WWOX: variants seen among roughly 807,000 people sequenced by gnomAD.
The protein encoded by WWOX is WW domain containing oxidoreductase, also known as WW domain-containing oxidoreductase.
In WWOX, 69 loss-of-function variants were observed where a neutral mutation model predicts 46.2. The observed-to-expected ratio is 1.49, with a 90% confidence interval of 1.23 to 1.82. The LOEUF is 1.82. Ranked by LOEUF, WWOX falls within the 40% of genes most tolerant of loss-of-function variation. The pLI, the probability that WWOX is intolerant of heterozygous loss-of-function variation, is 0.00. For synonymous variants in WWOX, 359 were observed against 202.6 expected (o/e 1.77, Z -6.56); for missense variants, 919 against 542.6 (o/e 1.69, Z -6.89).
chr16:78,305,398 A>T (rs2080115587), intron 5 of WWOX, among the ~76,000 whole-genome samples: 1 of 152,184 alleles, frequency 6.6e-6, no homozygotes, highest in South Asian at 2.1e-4. Flanking sequence ...CCTCTGGATG[A>T]GTCCCTTGGC....
chr16:78,432,339 C>A (rs950315254), intron 7 of WWOX, 149 bp from the exon 8 acceptor site: 2 of 1,039,476 alleles, frequency 1.9e-6, no homozygotes, highest in Admixed American at 2.1e-5. Context: ...CTCCCGACCT[C>A]AGGTGATCCA....
chr16:78,976,972 G>A (rs532198633), intron 8 of WWOX, among the ~76,000 whole-genome samples: 14 of 152,084 alleles, frequency 9.2e-5, no homozygotes, highest in African/African-American at 1.7e-4. Flanking sequence ...TTTTTTGTTC[G>A]TTTTATGTTT....
At position 78,333,660 on chromosome 16, in the gene WWOX, A is replaced by G. The variant is rs796243983; in HGVS notation, c.517-53200A>G. ...GAGTACTTCATTAAGTCTCCAGAAT[A>G]CATACTTCATAAGCAGGAGGCATAT... On this transcript the variant is annotated intron_variant, in intron 5 of 8. Coordinates refer to ENST00000566780, the MANE Select transcript of WWOX (RefSeq NM_016373.4). 7.5e-4 allele frequency among the ~76,000 whole-genome samples: 115 copies of G among 152,326 alleles called. 1 individual carries two copies. The highest frequency in any genetic ancestry group is 2.6e-3 in the African/African-American group (110 of 41,562).
At chr16:78,405,416 G>A (rs926178879) in intron 6 of WWOX, among the ~76,000 whole-genome samples, 1 of 152,166 alleles carries the variant, frequency 6.6e-6, no homozygotes, top group African/African-American at 2.4e-5. Context: ...CTGTCAAATT[G>A]TCGACATGTG....
At chr16:78,757,014 A>T in intron 8 of WWOX, 1 of 699,906 alleles carries the variant, frequency 1.4e-6, no homozygotes, top group Non-Finnish European at 2.6e-6. Flanking sequence ...GCCAACAGCC[A>T]TGTGAGTGAA....
chr16:78,250,301 G>A lies in WWOX; in HGVS notation c.516+86012G>A, dbSNP rs114498494. ...AGCTCGGTTCTGGAGCTGGATGGCC[G>A]GGGTTTGATTCTTAACTCTGCTCCT... On this transcript the variant is annotated intron_variant, in intron 5 of 8. Coordinates refer to ENST00000566780, the MANE Select transcript of WWOX (RefSeq NM_016373.4). Among the ~76,000 whole-genome samples the A allele has an allele frequency of 8.0e-3, 1,215 of 152,308 alleles. 27 individuals are homozygous for A. The highest frequency in any genetic ancestry group is 0.026 in the African/African-American group (1,075 of 41,560).
chr16:78,290,144 A>G (rs11645168), intron 5 of WWOX, among the ~76,000 whole-genome samples: 5,931 of 152,110 alleles, frequency 0.039, 287 homozygotes, highest in African/African-American at 0.12. Flanking sequence ...GTGCATTGCT[A>G]CTTGGGGTTT....
At chr16:78,709,374 T>A (rs1257316599) in intron 8 of WWOX, among the ~76,000 whole-genome samples, 1 of 152,232 alleles carries the variant, frequency 6.6e-6, no homozygotes, top group Non-Finnish European at 1.5e-5. Flanking sequence ...AGCCCGCGAT[T>A]CTCGGCCATT....
rs1227489730 is a variant in WWOX, at chr16:78,578,282, A to ATTTTTT, written c.1056+145531_1056+145532insTTTTTT. ...TATATATATATATATATATATATAT[A>ATTTTTT]TATTTTTTTTTTTTTTTTTTTTTTT... is the stretch of plus-strand genomic sequence containing the variant. On this transcript the variant is annotated intron_variant, in intron 8 of 8. Transcript: ENST00000566780. Among the ~76,000 whole-genome samples, 236 of 34,176 alleles carry ATTTTTT rather than the reference A, an allele frequency of 6.9e-3. 10 individuals carry two copies. Among genetic ancestry groups the ATTTTTT allele is most frequent in the African/African-American group, 0.028 (198 of 7,100 alleles). 22.4% of individuals were successfully genotyped at this position (34,176 alleles called of 152,430 possible).
chr16:78,509,160 C>T (rs1006102558), intron 8 of WWOX, among the ~76,000 whole-genome samples: 2 of 152,178 alleles, frequency 1.3e-5, no homozygotes, highest in African/African-American at 4.8e-5. Context: ...TGAAGCTTGC[C>T]GGGCATGGTG....
intron 5 of WWOX, among the ~76,000 whole-genome samples, chr16:78,326,464 T>G (rs1467465246): frequency 6.6e-6 from 1 of 151,524 alleles, no homozygotes; most frequent in East Asian, 1.9e-4. Context: ...CAAAGGAAGC[T>G]GGGCCTAGTA....
intron 8 of WWOX, among the ~76,000 whole-genome samples, chr16:79,051,030 C>G (rs1597325995): frequency 6.6e-6 from 1 of 152,334 alleles, no homozygotes; most frequent in African/African-American, 2.4e-5. Context: ...CCCATTAACG[C>G]TTATAGCAGG....
intron 5 of WWOX, among the ~76,000 whole-genome samples, chr16:78,278,372 T>G (rs1046015670): frequency 6.6e-6 from 1 of 152,194 alleles, no homozygotes; most frequent in African/African-American, 2.4e-5. Flanking sequence ...AGAGCCATAA[T>G]AGTGTGTGGA....
intron 8 of WWOX, among the ~76,000 whole-genome samples, chr16:78,676,081 T>TA (rs2047591504): frequency 6.6e-6 from 1 of 152,050 alleles, no homozygotes; most frequent in South Asian, 2.1e-4. Flanking sequence ...CAGACGTTAC[T>TA]ACTCCATAAG....
At position 78,762,783 on chromosome 16, in the gene WWOX, C is replaced by T. The variant is rs140980140; in HGVS notation, c.1056+330031C>T. On this transcript the variant is annotated intron_variant, in intron 8 of 8. Transcript: ENST00000566780. ...GTGTATTGTGGGGCAAGTTACTTAA[C>T]CTCTCTGGCCTCAGTATCTGTATCT... 2.2e-3 allele frequency among the ~76,000 whole-genome samples: 337 copies of T among 152,318 alleles called. 3 individuals are homozygous for T. Among genetic ancestry groups the T allele is most frequent in the African/African-American group, 7.3e-3 (304 of 41,570 alleles).
intron 8 of WWOX, among the ~76,000 whole-genome samples, chr16:79,173,314 G>C (rs116648907): frequency 3.0e-4 from 36 of 118,122 alleles, no homozygotes; most frequent in Non-Finnish European, 2.3e-4. Context: ...TGCCATCTTA[G>C]AGACGTAAAA....
At chr16:78,615,147 C>T (rs561576563) in intron 8 of WWOX, among the ~76,000 whole-genome samples, 1 of 152,172 alleles carries the variant, frequency 6.6e-6, no homozygotes, top group South Asian at 2.1e-4. Context: ...AATTAAAATA[C>T]TCACATTCCC....
intron 5 of WWOX, among the ~76,000 whole-genome samples, chr16:78,352,843 C>T (rs12446110): frequency 0.71 from 107,219 of 152,008 alleles, 38,661 homozygotes; most frequent in African/African-American, 0.76. Flanking sequence ...TAGATAGATC[C>T]TTCTGGATTG....
Position 78,517,651 on chromosome 16 carries a change from C to T in WWOX, c.1056+84899C>T, listed in dbSNP as rs553597927. Among the ~76,000 whole-genome samples, 5 of 152,070 alleles carry T rather than the reference C, an allele frequency of 3.3e-5. No individual in the cohort carries two copies. The East Asian group carries it at 9.7e-4, about 29-fold the overall frequency. ...TGTCAAAAGTCCTCAGCGCTCCCCGCAATCCATGTCTGGTGGAAGCGCGAG... is the reference window on the plus strand; with the variant it reads ...TGTCAAAAGTCCTCAGCGCTCCCCGTAATCCATGTCTGGTGGAAGCGCGAG... On this transcript the variant is annotated intron_variant, in intron 8 of 8. Coordinates refer to ENST00000566780, the MANE Select transcript of WWOX (RefSeq NM_016373.4).
Sources: allele counts gnomAD v4.1 joint callset (sites outside exome capture counted in the v4.1 genomes callset), GRCh38; gene constraint gnomAD v4.1.1; transcripts MANE v1.5; gene names NCBI Gene and HGNC (gene_info 2026-07-23, HGNC 2026-07-21).